The following DLC1 variants were observed in gnomAD, a reference collection of about 807,000 sequenced individuals.
DLC1 encodes the protein rho GTPase-activating protein 7.
Under a neutral mutation model 140.3 loss-of-function variants are expected in DLC1, and 54 were observed. The observed-to-expected ratio is 0.38, with a 90% CI of 0.31 to 0.48. DLC1 has a LOEUF of 0.48. DLC1 is among the 20% of genes least tolerant of loss of function. DLC1 has a pLI of 0.96. For missense variants in DLC1, 2,536 were observed against 1,907.0 expected, an observed-to-expected ratio of 1.33 and a Z score of -6.14; for synonymous variants, 986 against 728.1, an observed-to-expected ratio of 1.35 and a Z score of -5.70.
intron 1 of DLC1, among the ~76,000 whole-genome samples, chr8:13,581,989 G>A (rs1428841060): frequency 2.0e-5 from 3 of 152,190 alleles, no homozygotes; most frequent in Non-Finnish European, 4.4e-5. Context: ...GTGGGTGTGT[G>A]AAGAGGGTAG....
chr8:13,578,053 T>C (rs1383963137), intron 1 of DLC1, among the ~76,000 whole-genome samples: 2 of 152,176 alleles, frequency 1.3e-5, no homozygotes, highest in South Asian at 2.1e-4. Flanking sequence ...ACTCAACAAT[T>C]TGTTTTTTAA....
intron 5 of DLC1, among the ~76,000 whole-genome samples, chr8:13,164,405 A>AT (rs1459105123): frequency 1.3e-5 from 2 of 152,152 alleles, no homozygotes; most frequent in East Asian, 3.9e-4. Context: ...AAACAAAAAA[A>AT]CCCAAGGTAG....
intron 5 of DLC1, among the ~76,000 whole-genome samples, chr8:13,201,835 C>T (rs1014042966): frequency 3.3e-5 from 5 of 149,538 alleles, no homozygotes; most frequent in South Asian, 2.1e-4. Flanking sequence ...ATATACATGC[C>T]GGTTTGTTAT....
intron 1 of DLC1, among the ~76,000 whole-genome samples, chr8:13,553,209 T>C (rs1254572159): frequency 9.4e-5 from 6 of 63,818 alleles, no homozygotes; most frequent in Non-Finnish European, 1.9e-4. Flanking sequence ...CTGTCATATA[T>C]ATATATATAT....
At chr8:13,441,874 C>T (rs1472608155) in intron 2 of DLC1, among the ~76,000 whole-genome samples, 1 of 151,972 alleles carries the variant, frequency 6.6e-6, no homozygotes, top group Non-Finnish European at 1.5e-5. Context: ...CATATGGAAC[C>T]AAAAAAGGGC....
chr8:13,347,306 T>A (rs1395145904), intron 4 of DLC1, among the ~76,000 whole-genome samples: 1 of 152,202 alleles, frequency 6.6e-6, no homozygotes, highest in Non-Finnish European at 1.5e-5. Flanking sequence ...AAAACCACAT[T>A]CAGTAATAAT....
chr8:13,391,611 T>G (rs1836764973), intron 4 of DLC1, among the ~76,000 whole-genome samples: 1 of 152,140 alleles, frequency 6.6e-6, no homozygotes, highest in Non-Finnish European at 1.5e-5. Flanking sequence ...CAAAAAATGG[T>G]TACCATAAAA....
At chr8:13,602,535 A>T (rs1009304847) in intron 1 of DLC1, among the ~76,000 whole-genome samples, 7 of 152,002 alleles carry the variant, frequency 4.6e-5, no homozygotes, top group African/African-American at 1.7e-4. Context: ...TAGGGTTTAC[A>T]TCAAAATACA....
At chr8:13,380,274 G>A (rs1379753389) in intron 4 of DLC1, among the ~76,000 whole-genome samples, 1 of 152,152 alleles carries the variant, frequency 6.6e-6, no homozygotes, top group Non-Finnish European at 1.5e-5. Context: ...AAACTACTTG[G>A]ACCCATTTTA....
chr8:13,318,781 A>G (rs999750977), intron 4 of DLC1, among the ~76,000 whole-genome samples: 2 of 152,204 alleles, frequency 1.3e-5, no homozygotes, highest in African/African-American at 4.8e-5. Flanking sequence ...TTCCCTTTCT[A>G]CATGTCAGTC....
chr8:13,394,050 C>G (rs1199223357), intron 3 of DLC1, among the ~76,000 whole-genome samples: 1 of 152,240 alleles, frequency 6.6e-6, no homozygotes, highest in Non-Finnish European at 1.5e-5. Context: ...GAATCACTCA[C>G]TGACACTCCT....
intron 5 of DLC1, chr8:13,304,708 T>G: frequency 1.0e-6 from 1 of 961,698 alleles, no homozygotes; most frequent in Non-Finnish European, 1.2e-6. Flanking sequence ...CCAATCCATG[T>G]CTAATTTTTC....
At chr8:13,256,417 C>T (rs952104668) in intron 5 of DLC1, among the ~76,000 whole-genome samples, 2 of 152,152 alleles carry the variant, frequency 1.3e-5, no homozygotes, top group African/African-American at 4.8e-5. Context: ...AAGACACACG[C>T]ACACGTATGT....
At chr8:13,545,091 A>C (rs1028029811) in intron 1 of DLC1, among the ~76,000 whole-genome samples, 1 of 152,134 alleles carries the variant, frequency 6.6e-6, no homozygotes, top group African/African-American at 2.4e-5. Flanking sequence ...CATTTAATAA[A>C]ATTTTAAAAT....
chr8:13,413,499 CATATAT>C (rs35967766), intron 2 of DLC1, among the ~76,000 whole-genome samples: 1 of 149,726 alleles, frequency 6.7e-6, no homozygotes, highest in South Asian at 2.1e-4. Flanking sequence ...TGTGTGCACA[CATATAT>C]ATATATATAC....
Position 13,586,027 on chromosome 8 carries a change from G to C in DLC1, c.-126+18510C>G, listed in dbSNP as rs1264918698. On this transcript the variant is annotated intron_variant, in intron 1 of 1. Transcript: ENST00000631382. ...TATAGCTGAAAATAGACATTCAAGG[G>C]AATGATTCTCAACCATGGCTGCACA... Among the ~76,000 whole-genome samples the C allele has an allele frequency of 2.6e-5, 4 of 152,086 alleles. No homozygotes were observed. The East Asian group carries it at 7.7e-4, about 29-fold the overall frequency.
chr8:13,543,955 C>G (rs1420822736), intron 1 of DLC1, among the ~76,000 whole-genome samples: 2 of 151,620 alleles, frequency 1.3e-5, no homozygotes, highest in Non-Finnish European at 2.9e-5. Context: ...ACAGTTCATC[C>G]ATGCAACCAA....
intron 5 of DLC1, among the ~76,000 whole-genome samples, chr8:13,304,283 G>C (rs1288781983): frequency 2.6e-5 from 4 of 152,208 alleles, no homozygotes; most frequent in South Asian, 4.2e-4. Flanking sequence ...TTTCTCTTGA[G>C]CTGACATATG....
chr8:13,582,870 A>G (rs1805157473), intron 1 of DLC1, among the ~76,000 whole-genome samples: 1 of 117,984 alleles, frequency 8.5e-6, no homozygotes, highest in Non-Finnish European at 1.7e-5. Flanking sequence ...TTTACAATAT[A>G]CTGTGGTCTA....
Sources: gnomAD v4.1 joint callset for allele counts (sites outside exome capture counted in the v4.1 genomes callset) on GRCh38, gnomAD v4.1.1 for gene constraint, MANE v1.5 for transcripts, NCBI Gene and HGNC (gene_info 2026-07-23, HGNC 2026-07-21) for gene names.